ACSM1: variants seen among roughly 807,000 people sequenced by gnomAD.
ACSM1 encodes acyl-CoA synthetase medium chain family member 1, also known as acyl-coenzyme A synthetase ACSM1, mitochondrial.
Under a neutral mutation model 75.8 loss-of-function variants are expected in ACSM1, and 79 were observed. The ratio of observed to expected loss-of-function variants is 1.04; its 90% CI spans 0.87 to 1.26. The LOEUF is 1.26. ACSM1 is among the 50% of genes most tolerant of loss of function. The pLI, the probability that ACSM1 is intolerant of heterozygous loss-of-function variation, is 0.00. For synonymous variants in ACSM1, 279 were observed against 265.8 expected (o/e 1.05, Z -0.48); for missense variants, 676 against 720.1 (o/e 0.94, Z 0.70).
chr16:20,636,449 TG>T (rs545937707), intron 10 of ACSM1, among the ~76,000 whole-genome samples: 32 of 152,282 alleles, frequency 2.1e-4, no homozygotes, highest in Non-Finnish European at 3.8e-4. Context: ...GTAAGTGAGA[TG>T]GTATTATTTG....
intron 7 of ACSM1, 32 bp downstream of exon 7, chr16:20,661,762 A>G (rs1394591306): frequency 2.0e-6 from 3 of 1,507,052 alleles, no homozygotes; most frequent in Non-Finnish European, 2.8e-6. Context: ...AATCTTACCC[A>G]AAGATGTTGT....
At chr16:20,684,288 G>A (rs772133136) in intron 3 of ACSM1, among the ~76,000 whole-genome samples, 1 of 152,178 alleles carries the variant, frequency 6.6e-6, no homozygotes, top group Non-Finnish European at 1.5e-5. Flanking sequence ...GTGAAAGAAT[G>A]TTAGGGAATA....
chr16:20,673,334 G>A (rs555103333), intron 4 of ACSM1, among the ~76,000 whole-genome samples: 82 of 152,142 alleles, frequency 5.4e-4, no homozygotes, highest in African/African-American at 1.9e-3. Context: ...CACTAGGTCT[G>A]CTGGTCTTGC....
chr16:20,633,369 C>A (rs1474767189), intron 10 of ACSM1, among the ~76,000 whole-genome samples: 1 of 152,068 alleles, frequency 6.6e-6, no homozygotes, highest in Non-Finnish European at 1.5e-5. Context: ...CACTTCTGTG[C>A]ACTAAAAATT....
At chr16:20,673,143 T>C (rs2020061243) in intron 4 of ACSM1, among the ~76,000 whole-genome samples, 1 of 149,794 alleles carries the variant, frequency 6.7e-6, no homozygotes, top group Non-Finnish European at 1.5e-5. Flanking sequence ...ATTACTGCGA[T>C]CAATGTACCT....
chr16:20,671,419 T>C, intron 5 of ACSM1, 112 bp downstream of exon 5: 1 of 1,200,406 alleles, frequency 8.3e-7, no homozygotes, highest in East Asian at 2.6e-5. Flanking sequence ...TAGTCACTTC[T>C]ACTTCCAGTT....
chr16:20,669,703 C>T (rs2019783416), intron 6 of ACSM1, 124 bp downstream of exon 6: 4 of 961,816 alleles, frequency 4.2e-6, no homozygotes, highest in Non-Finnish European at 6.2e-6. Context: ...TTTGAGAAGC[C>T]CAGGCTCAGG....
intron 7 of ACSM1, among the ~76,000 whole-genome samples, chr16:20,641,468 G>C (rs1323964769): frequency 6.6e-6 from 1 of 152,106 alleles, no homozygotes; most frequent in Non-Finnish European, 1.5e-5. Flanking sequence ...AGCCTTCCTA[G>C]GCTCCTAGAT....
chr16:20,633,810 C>T (rs768180485), intron 10 of ACSM1, among the ~76,000 whole-genome samples: 4 of 152,136 alleles, frequency 2.6e-5, no homozygotes, highest in Non-Finnish European at 5.9e-5. Flanking sequence ...GCAGGTGGAT[C>T]GCTGGAGGCC....
chr16:20,682,358 G>A lies in ACSM1; in HGVS notation c.509C>T (p.Ser170Leu), dbSNP rs2079464047. Reference sequence around the variant, plus strand: ...CTGAGAAGCTATGGAGTCCACCTCTGAGGCAAGGGCATCTATGGTCACAAT... The same window carrying A: ...CTGAGAAGCTATGGAGTCCACCTCTAAGGCAAGGGCATCTATGGTCACAAT... Reference protein sequence around the residue: ...KGIVTIDALASEVDSIASQCP... With the variant: ...KGIVTIDALALEVDSIASQCP... Residue 170 changes from serine (S) to leucine (L), a missense_variant, in exon 4 of 14, where the codon TCA (serine) becomes TTA (leucine). Physicochemically the swap from Ser to Leu is moderately radical, Grantham distance 145. Coordinates refer to ENST00000520010, the MANE Select transcript of ACSM1 (RefSeq NM_001318890.3). 3 of 1,614,080 alleles carry A rather than the reference G, an allele frequency of 1.9e-6. No individual in the cohort carries two copies. Among genetic ancestry groups the A allele is most frequent in the Non-Finnish European group, 2.5e-6 (3 of 1,179,976 alleles).
chr16:20,632,180 A>G (rs1338963653), intron 10 of ACSM1, among the ~76,000 whole-genome samples: 1 of 152,202 alleles, frequency 6.6e-6, no homozygotes, highest in Admixed American at 6.5e-5. Context: ...TTAGGGAACC[A>G]GAATAAGAAG....
chr16:20,680,137 T>C (rs1296107682), intron 4 of ACSM1: 1 of 152,190 alleles, frequency 6.6e-6, no homozygotes, highest in Non-Finnish European at 1.5e-5. Flanking sequence ...TGCTAAGTAG[T>C]ATGTTAACCA....
rs369174003 is a variant in ACSM1, at chr16:20,649,507, C to A, written c.993-8923G>T. On this transcript the variant is annotated intron_variant, in intron 7 of 13. Transcript: ENST00000520010. ...AGGAGATAATAAACTAAGAGCCAGG[C>A]ACTCTTTTAAATCCAGTAAGAAGCA... Among the ~76,000 whole-genome samples, 60 of 152,248 alleles carry A rather than the reference C, an allele frequency of 3.9e-4. No homozygotes were observed. The East Asian group carries it at 0.01, about 26-fold the overall frequency.
At chr16:20,660,688 G>A (rs1421070173) in intron 7 of ACSM1, among the ~76,000 whole-genome samples, 1 of 152,146 alleles carries the variant, frequency 6.6e-6, no homozygotes, top group Non-Finnish European at 1.5e-5. Context: ...AGCTCTGTAA[G>A]GGCAATCATT....
At chr16:20,656,327 T>C (rs1367967194) in intron 7 of ACSM1, among the ~76,000 whole-genome samples, 2 of 152,182 alleles carry the variant, frequency 1.3e-5, no homozygotes, top group Non-Finnish European at 1.5e-5. Flanking sequence ...CTAGCTCAGA[T>C]GCCCTTTTAA....
At chr16:20,632,928 G>C (rs945266806) in intron 10 of ACSM1, among the ~76,000 whole-genome samples, 2 of 152,116 alleles carry the variant, frequency 1.3e-5, no homozygotes, top group African/African-American at 2.4e-5. Flanking sequence ...ATAACCACAA[G>C]GTTTTCTCTC....
intron 7 of ACSM1, among the ~76,000 whole-genome samples, chr16:20,644,762 C>T (rs1474929167): frequency 6.6e-6 from 1 of 152,158 alleles, no homozygotes; most frequent in African/African-American, 2.4e-5. Flanking sequence ...GTCTTATAGA[C>T]AGCAAAAGAT....
chr16:20,685,454 C>T (rs2079530630), intron 2 of ACSM1, 51 bp from the exon 3 acceptor site: 2 of 1,552,774 alleles, frequency 1.3e-6, no homozygotes, highest in Non-Finnish European at 1.8e-6. Context: ...AGAAAAAGGG[C>T]ACTTAGTAAA....
chr16:20,684,072 G>T (rs1382742154), intron 3 of ACSM1, among the ~76,000 whole-genome samples: 1 of 152,144 alleles, frequency 6.6e-6, no homozygotes, highest in Non-Finnish European at 1.5e-5. Context: ...ATGATAAAAT[G>T]AGAGAAGTGA....
Sources: allele counts gnomAD v4.1 joint callset (sites outside exome capture counted in the v4.1 genomes callset), GRCh38; gene constraint gnomAD v4.1.1; transcripts MANE v1.5; gene names NCBI Gene and HGNC (gene_info 2026-07-23, HGNC 2026-07-21).